The following FHL2 variants were observed in gnomAD, a reference collection of about 807,000 sequenced individuals.
FHL2 encodes the protein four and a half LIM domains protein 2.
FHL2 carries 20 observed loss-of-function variants against 32.7 expected under a neutral mutation model. That is an observed-to-expected ratio of 0.61 (90% confidence interval 0.43 to 0.89). The LOEUF (loss-of-function observed/expected upper bound fraction) is 0.89. FHL2 is among the 40% of genes least tolerant of loss of function. The pLI, the probability that FHL2 is intolerant of heterozygous loss-of-function variation, is 0.00. For missense variants in FHL2, 311 were observed against 358.6 expected (o/e 0.87, Z 1.07); for synonymous variants, 123 against 128.1 (o/e 0.96, Z 0.27).
At chr2:105,424,865 C>A (rs760248131) in intron 1 of FHL2, among the ~76,000 whole-genome samples, 1 of 152,166 alleles carries the variant, frequency 6.6e-6, no homozygotes, top group Non-Finnish European at 1.5e-5. Context: ...ACACCAGGAC[C>A]TGTCAGGGAG....
At chr2:105,371,014 G>C (rs1413327038) in intron 4 of FHL2, among the ~76,000 whole-genome samples, 1 of 152,182 alleles carries the variant, frequency 6.6e-6, no homozygotes, top group South Asian at 2.1e-4. Context: ...TAGTAGAAGA[G>C]GCTGCCGGCC....
At chr2:105,374,675 A>T (rs531135237) in intron 3 of FHL2, among the ~76,000 whole-genome samples, 51 of 152,338 alleles carry the variant, frequency 3.3e-4, no homozygotes, top group African/African-American at 1.2e-3. Flanking sequence ...ACTTGGCTTC[A>T]TCTTGCCTGA....
chr2:105,378,215 G>A, intron 3 of FHL2: 1 of 470,808 alleles, frequency 2.1e-6, no homozygotes, highest in South Asian at 1.6e-5. Context: ...GCACAAAAAT[G>A]CAATAGCTAC....
At chr2:105,425,763 C>G (rs1242373455) in intron 1 of FHL2, among the ~76,000 whole-genome samples, 1 of 152,004 alleles carries the variant, frequency 6.6e-6, no homozygotes, top group Non-Finnish European at 1.5e-5. Context: ...TTCCCTTGAA[C>G]CTAATTATGA....
rs770284685 is a variant in FHL2 at position 105,367,641 on chromosome 2, T to C, written c.430A>G (p.Lys144Glu). The change falls in exon 5 of 7, where the codon AAA becomes GAA. Residue 144 changes from lysine to glutamate, a missense_variant. Coordinates refer to ENST00000530340, the MANE Select transcript of FHL2 (RefSeq NM_001318895.3). ...GGCACACAGAAATTCTGATTGTCTT[T>C]GGGGATGAAACTCTTGGTTCCAATT... Reference protein sequence around the residue: ...QPIGTKSFIPKDNQNFCVPCY... With the variant: ...QPIGTKSFIPEDNQNFCVPCY... 9 of 1,614,084 alleles carry C rather than the reference T, an allele frequency of 5.6e-6. No individual in the cohort carries two copies. In the African/African-American group the frequency reaches 1.2e-4, roughly 22 times the overall value.
At chr2:105,415,704 AAC>A (rs1683912224) in intron 1 of FHL2, among the ~76,000 whole-genome samples, 1 of 152,238 alleles carries the variant, frequency 6.6e-6, no homozygotes, top group African/African-American at 2.4e-5. Flanking sequence ...CCTAAAATAG[AAC>A]CAACAATAAA....
upstream of FHL2, among the ~76,000 whole-genome samples, chr2:105,400,772 A>AT (rs2104640996): frequency 8.8e-6 from 1 of 113,900 alleles, no homozygotes; most frequent in African/African-American, 3.4e-5. Context: ...TAGTTCTGTT[A>AT]TTTTTCTTCT....
chr2:105,427,424 G>T (rs143866948), intron 1 of FHL2, among the ~76,000 whole-genome samples: 1 of 152,294 alleles, frequency 6.6e-6, no homozygotes, highest in Non-Finnish European at 1.5e-5. Flanking sequence ...CTGTTTCAGT[G>T]AAGTCTGGAC....
intron 1 of FHL2, among the ~76,000 whole-genome samples, chr2:105,420,391 T>C (rs1260909969): frequency 2.0e-5 from 3 of 152,188 alleles, no homozygotes; most frequent in Non-Finnish European, 2.9e-5. Flanking sequence ...CATATTGGAT[T>C]AGGGATACCC....
intron 1 of FHL2, among the ~76,000 whole-genome samples, chr2:105,414,270 T>C (rs182522195): frequency 9.2e-5 from 14 of 152,308 alleles, no homozygotes; most frequent in Admixed American, 4.6e-4. Context: ...CGGACACCCA[T>C]CTGAACCCTG....
At chr2:105,413,059 C>A (rs1000905050) in intron 1 of FHL2, among the ~76,000 whole-genome samples, 8 of 152,120 alleles carry the variant, frequency 5.3e-5, no homozygotes, top group Non-Finnish European at 1.2e-4. Flanking sequence ...GGACAGGATG[C>A]AAATGAGGAC....
At chr2:105,397,560 C>G (rs1018609991) in intron 1 of FHL2, among the ~76,000 whole-genome samples, 1 of 148,724 alleles carries the variant, frequency 6.7e-6, no homozygotes, top group African/African-American at 2.6e-5. Flanking sequence ...ATTTGTGAGA[C>G]GGTGAGCTAA....
At chr2:105,416,108 G>T (rs1683928083) in intron 1 of FHL2, among the ~76,000 whole-genome samples, 1 of 152,012 alleles carries the variant, frequency 6.6e-6, no homozygotes, top group Admixed American at 6.6e-5. Flanking sequence ...TGTTTATGTA[G>T]GTTATATCTA....
chr2:105,386,359 A>G lies in FHL2; in HGVS notation c.156+2T>C, dbSNP rs727503059. On this transcript the variant is annotated splice_donor_variant, in intron 3 of 6. Transcript: ENST00000530340. LOFTEE classifies it high-confidence loss of function. ...GGACCCGCAGAGGCCCGCAGCAGGT[A>G]CCTTGCAGTCACAGCCGATGGGCTT... The G allele has an allele frequency of 1.9e-6, 3 of 1,613,588 alleles. No individual in the cohort carries two copies. Among genetic ancestry groups the G allele is most frequent in the Non-Finnish European group, 2.5e-6 (3 of 1,179,854 alleles).
intron 2 of FHL2, among the ~76,000 whole-genome samples, chr2:105,390,396 C>T (rs1682640923): frequency 6.6e-6 from 1 of 152,158 alleles, no homozygotes; most frequent in Non-Finnish European, 1.5e-5. Flanking sequence ...GGAACAGTAG[C>T]AGCTGCTATC....
intron 1 of FHL2, among the ~76,000 whole-genome samples, chr2:105,397,719 G>A (rs1239331378): frequency 6.6e-6 from 1 of 152,200 alleles, no homozygotes; most frequent in Non-Finnish European, 1.5e-5. Context: ...ATTAACTGAT[G>A]ATCTTCTAAA....
intron 1 of FHL2, among the ~76,000 whole-genome samples, chr2:105,415,226 A>G (rs920434028): frequency 1.3e-5 from 2 of 152,234 alleles, no homozygotes; most frequent in African/African-American, 4.8e-5. Context: ...TCTCCAAGAC[A>G]GGGTGTTAAG....
In FHL2 at chr2:105,363,473, T is replaced by A; in HGVS notation, c.502-2A>T. 6.2e-7 allele frequency: 1 copy of A among 1,603,840 alleles called. No homozygotes were observed. The highest frequency in any genetic ancestry group is 8.5e-7 in the Non-Finnish European group (1 of 1,175,042). ...AGTGACCCCTCCCGTGGTGATGGGC[T>A]GCAGGGACGAGGGGGAGAGTTAGTG... On this transcript the variant is annotated splice_acceptor_variant, in intron 5 of 6. Coordinates refer to ENST00000530340, the MANE Select transcript of FHL2 (RefSeq NM_001318895.3). LOFTEE classifies it high-confidence loss of function.
chr2:105,437,949 C>T (rs1214164455), intron 1 of FHL2, among the ~76,000 whole-genome samples: 2 of 152,180 alleles, frequency 1.3e-5, no homozygotes, highest in African/African-American at 4.8e-5. Context: ...CCCAGGCTTT[C>T]CGGAAATTCT....
Sources: gnomAD v4.1 joint callset for allele counts (sites outside exome capture counted in the v4.1 genomes callset) on GRCh38, gnomAD v4.1.1 for gene constraint, MANE v1.5 for transcripts, NCBI Gene and HGNC (gene_info 2026-07-23, HGNC 2026-07-21) for gene names.